CNKSR2: variants seen among roughly 807,000 people sequenced by gnomAD.
CNKSR2 encodes the protein connector enhancer of kinase suppressor of Ras 2.
A neutral mutation model predicts 84.4 loss-of-function variants in CNKSR2; 14 were observed. That is an observed-to-expected ratio of 0.17 (90% CI 0.11 to 0.26). The LOEUF (loss-of-function observed/expected upper bound fraction) is 0.26. CNKSR2 is among the 10% of genes least tolerant of loss of function. The pLI is 1.00. For synonymous variants in CNKSR2, 275 were observed against 277.9 expected (o/e 0.99, Z 0.10); for missense variants, 485 against 771.2 (o/e 0.63, Z 4.40).
intron 5 of CNKSR2, among the ~76,000 whole-genome samples, chrX:21,488,692 A>G (rs146244602): frequency 8.3e-4 from 93 of 111,887 alleles, no homozygotes; most frequent in Non-Finnish European, 1.6e-3. Flanking sequence ...CATAGTAAAT[A>G]AAAAGAGAGT....
intron 11 of CNKSR2, among the ~76,000 whole-genome samples, chrX:21,540,279 G>C (rs779987110): frequency 1.8e-5 from 2 of 111,484 alleles, no homozygotes; most frequent in African/African-American, 3.3e-5. Flanking sequence ...TTAAATGCTA[G>C]TCATCCCACC....
intron 13 of CNKSR2, among the ~76,000 whole-genome samples, chrX:21,571,764 A>G (rs1601964254): frequency 8.9e-6 from 1 of 112,438 alleles, no homozygotes; most frequent in South Asian, 3.7e-4. Context: ...CTGTGATATT[A>G]CTAACATATA....
At chrX:21,545,872 G>C (rs772236821) in intron 11 of CNKSR2, among the ~76,000 whole-genome samples, 23 of 112,083 alleles carry the variant, frequency 2.1e-4, no homozygotes, top group Admixed American at 2.0e-3. Context: ...GAAAGGAATA[G>C]CATCAACATC....
intron 20 of CNKSR2, among the ~76,000 whole-genome samples, chrX:21,626,941 C>T (rs1304363593): frequency 9.0e-6 from 1 of 111,245 alleles, no homozygotes; most frequent in African/African-American, 3.3e-5. Context: ...AAAGACTAGA[C>T]ATTATATCAT....
chrX:21,508,619 T>C (rs745558805), intron 8 of CNKSR2, among the ~76,000 whole-genome samples: 1 of 111,968 alleles, frequency 8.9e-6, no homozygotes, highest in African/African-American at 3.2e-5. Context: ...AAATAAACCT[T>C]AAGCCTTGAA....
chrX:21,390,333 C>G (rs1023504596), intron 1 of CNKSR2, among the ~76,000 whole-genome samples: 3 of 111,021 alleles, frequency 2.7e-5, no homozygotes, highest in Admixed American at 1.9e-4. Flanking sequence ...AAAGACCTAC[C>G]CGAGACTGGG....
chrX:21,522,220 G>A (rs2091791665), intron 9 of CNKSR2, among the ~76,000 whole-genome samples: 1 of 110,634 alleles, frequency 9.0e-6, no homozygotes, highest in African/African-American at 3.3e-5. Flanking sequence ...GAATGATGGG[G>A]TATTGTGATC....
intron 1 of CNKSR2, among the ~76,000 whole-genome samples, chrX:21,389,241 C>T (rs749875757): frequency 9.6e-6 from 1 of 103,685 alleles, no homozygotes; most frequent in African/African-American, 3.5e-5. Flanking sequence ...TAGATAGGAT[C>T]TTGGAATGGA....
intron 13 of CNKSR2, among the ~76,000 whole-genome samples, chrX:21,577,602 C>T (rs1466154747): frequency 9.1e-6 from 1 of 109,941 alleles, no homozygotes; most frequent in Non-Finnish European, 1.9e-5. Context: ...AGAAAATGTC[C>T]TCAAATTTTG....
chrX:21,388,629 A>C (rs181059992), intron 1 of CNKSR2, among the ~76,000 whole-genome samples: 10 of 112,433 alleles, frequency 8.9e-5, no homozygotes, highest in Middle Eastern at 9.2e-3. Context: ...TTATAACCCA[A>C]CATATAAAAT....
Position 21,459,842 on chromosome X carries a change from T to C in CNKSR2, c.520-10924T>C, listed in dbSNP as rs147252090. Among the ~76,000 whole-genome samples, 400 of 111,397 alleles carry C rather than the reference T, an allele frequency of 3.6e-3. 1 individual carries two copies. The highest frequency in any genetic ancestry group is 0.013 in the African/African-American group (392 of 30,632). On this transcript the variant is annotated intron_variant, in intron 4 of 21. Coordinates refer to ENST00000379510, the MANE Select transcript of CNKSR2 (RefSeq NM_014927.5). ...ACTTGTACATCTAAACTCCTCACATTGTCTTTTTCAACTACTCCATCTCCA... is the reference window on the plus strand; with the variant it reads ...ACTTGTACATCTAAACTCCTCACATCGTCTTTTTCAACTACTCCATCTCCA...
chrX:21,418,793 A>G (rs1007550155), intron 1 of CNKSR2, among the ~76,000 whole-genome samples: 17 of 111,431 alleles, frequency 1.5e-4, no homozygotes, highest in African/African-American at 4.6e-4. Flanking sequence ...TGCATTTTTC[A>G]GTATGACAAT....
chrX:21,632,829 TAATTTATCA>T (rs2092653731), intron 20 of CNKSR2, among the ~76,000 whole-genome samples: 1 of 112,066 alleles, frequency 8.9e-6, no homozygotes, highest in Non-Finnish European at 1.9e-5. Context: ...AGAACTAATG[TAATTTATCA>T]CTACAAATCC....
chrX:21,450,501 C>T (rs764512275), intron 4 of CNKSR2, among the ~76,000 whole-genome samples: 13 of 111,521 alleles, frequency 1.2e-4, no homozygotes, highest in African/African-American at 4.2e-4. Context: ...AAGAGACAAA[C>T]GTATAGGGCC....
At chrX:21,399,375 G>A (rs1434214927) in intron 1 of CNKSR2, among the ~76,000 whole-genome samples, 3 of 111,271 alleles carry the variant, frequency 2.7e-5, no homozygotes, top group East Asian at 5.6e-4. Flanking sequence ...GAAGTAACTT[G>A]CATATCCTTC....
chrX:21,448,183 G>T (rs1425672726), intron 4 of CNKSR2, among the ~76,000 whole-genome samples: 1 of 111,327 alleles, frequency 9.0e-6, no homozygotes, highest in Non-Finnish European at 1.9e-5. Flanking sequence ...GGATCAGGAG[G>T]TTCAATTATT....
At chrX:21,541,327 A>T (rs2091975520) in intron 11 of CNKSR2, among the ~76,000 whole-genome samples, 1 of 111,964 alleles carries the variant, frequency 8.9e-6, no homozygotes, top group Non-Finnish European at 1.9e-5. Flanking sequence ...TTTAACGAAG[A>T]TTCTTATGTT....
chrX:21,505,162 A>G (rs2091599969), intron 8 of CNKSR2: 1 of 140,875 alleles, frequency 7.1e-6, no homozygotes, highest in Admixed American at 8.7e-5. Flanking sequence ...AAGGGTTCTA[A>G]AGATTCTATC....
At chrX:21,388,692 A>G (rs1209542144) in intron 1 of CNKSR2, among the ~76,000 whole-genome samples, 1 of 111,904 alleles carries the variant, frequency 8.9e-6, no homozygotes, top group African/African-American at 3.3e-5. Context: ...ATAAGTAGAG[A>G]AATGGAGGAG....
Sources: allele counts gnomAD v4.1 joint callset (sites outside exome capture counted in the v4.1 genomes callset), GRCh38; gene constraint gnomAD v4.1.1; transcripts MANE v1.5; gene names NCBI Gene and HGNC (gene_info 2026-07-23, HGNC 2026-07-21).